The following CAMK2D variants were observed in gnomAD, a reference collection of about 807,000 sequenced individuals.
CAMK2D encodes the protein calcium/calmodulin dependent protein kinase II delta.
Under a neutral mutation model 84.0 loss-of-function variants are expected in CAMK2D, and 37 were observed. The ratio of observed to expected loss-of-function variants is 0.44; its 90% CI spans 0.34 to 0.58. The LOEUF (loss-of-function observed/expected upper bound fraction) is 0.58. CAMK2D is among the 20% of genes least tolerant of loss of function. The pLI is 0.02. For synonymous variants in CAMK2D, 202 were observed against 212.5 expected, an observed-to-expected ratio of 0.95 and a Z score of 0.43; for missense variants, 448 against 652.5, an observed-to-expected ratio of 0.69 and a Z score of 3.41.
chr4:113,745,192 T>A lies in CAMK2D; in HGVS notation c.160+14128A>T, dbSNP rs183323740. On this transcript the variant is annotated intron_variant, in intron 2 of 20. Coordinates refer to ENST00000511664, the MANE Select transcript of CAMK2D (RefSeq NM_001321571.2). ...CAATTTGGTAAACTACCTTTACGTG[T>A]TTTTAACCTTTTCTTTCCTGATTTC... Among the ~76,000 whole-genome samples the A allele has an allele frequency of 1.9e-3, 296 of 152,316 alleles. 7 individuals carry two copies. The highest frequency in any genetic ancestry group is 1.4e-3 in the East Asian group (7 of 5,182).
At chr4:113,547,777 C>A in intron 5 of CAMK2D, 61 bp from the exon 6 acceptor site, 1 of 1,071,272 alleles carries the variant, frequency 9.3e-7, no homozygotes, top group South Asian at 1.5e-5. Flanking sequence ...GTCTGTATAC[C>A]CTCAGAGAGA....
intron 3 of CAMK2D, among the ~76,000 whole-genome samples, chr4:113,646,071 A>C (rs2154297982): frequency 6.6e-6 from 1 of 152,324 alleles, no homozygotes; most frequent in South Asian, 2.1e-4. Flanking sequence ...CCTGTTTTAC[A>C]GTCTTTAGGT....
intron 14 of CAMK2D, among the ~76,000 whole-genome samples, chr4:113,504,528 A>G (rs2098101110): frequency 6.6e-6 from 1 of 152,260 alleles, no homozygotes; most frequent in Admixed American, 6.5e-5. Context: ...AGAACTCTGA[A>G]TAAGGTCTAC....
At position 113,515,138 on chromosome 4, in the gene CAMK2D, A is replaced by G; in HGVS notation, c.750T>C (p.Asn250=). 1 of 1,611,934 alleles carries G rather than the reference A, an allele frequency of 6.2e-7. No homozygotes were observed. Among genetic ancestry groups the G allele is most frequent in the Non-Finnish European group, 8.5e-7 (1 of 1,178,132 alleles). Residue 250 remains asparagine (N), a synonymous_variant, in exon 10 of 21, where the codon AAT becomes AAC. Transcript: ENST00000511664. ...TGGCAGGGTTGATAGTAAGCATTTT[A>G]TTGATGAGGTCTTTGGCTTCAGGAG... ...TVTPEAKDLI[N]KMLTINPAKR... is the part of the protein sequence containing the mutation.
chr4:113,508,247 C>T (rs1216173838), intron 13 of CAMK2D: 15 of 1,550,524 alleles, frequency 9.7e-6, no homozygotes, highest in Non-Finnish European at 1.3e-5. Flanking sequence ...ATCATCTGAA[C>T]ACTCGAACTG....
intron 4 of CAMK2D, among the ~76,000 whole-genome samples, chr4:113,600,163 A>C (rs1429879886): frequency 6.6e-6 from 1 of 152,188 alleles, no homozygotes; most frequent in Non-Finnish European, 1.5e-5. Context: ...AGAAGACAGA[A>C]GATTTTTAGG....
rs564616057 is a variant in CAMK2D, at chr4:113,759,743, C to T, written c.66-329G>A. 2.0e-4 allele frequency among the ~76,000 whole-genome samples: 30 copies of T among 152,310 alleles called. No individual in the cohort carries two copies. In the South Asian group the frequency reaches 5.0e-3, roughly 25 times the overall value. On this transcript the variant is annotated intron_variant, in intron 1 of 20. Transcript: ENST00000511664. ...GCTCTGAGAAAAACCCTGCACAGAA[C>T]AGAGCAGACGAGGAGCAGCAAAAAA...
At chr4:113,682,204 G>A (rs1439113138) in intron 2 of CAMK2D, among the ~76,000 whole-genome samples, 2 of 152,158 alleles carry the variant, frequency 1.3e-5, no homozygotes, top group African/African-American at 4.8e-5. Flanking sequence ...TTTGATAGAA[G>A]AGGAAGAGCA....
In CAMK2D at chr4:113,502,385, AAAC is replaced by A. The variant is rs139759722; in HGVS notation, c.1086+548_1086+550del. 5.3e-3 allele frequency among the ~76,000 whole-genome samples: 801 copies of A among 150,464 alleles called. 2 individuals carry two copies. Among genetic ancestry groups the A allele is most frequent in the African/African-American group, 0.013 (519 of 40,794 alleles). ...CCTTGATTCACCTCAAATTCATGCC[AAAC>A]AACAACAACAACAACAACAATAACA... On this transcript the variant is annotated intron_variant, in intron 15 of 20. Transcript: ENST00000511664.
intron 3 of CAMK2D, among the ~76,000 whole-genome samples, chr4:113,636,608 G>A (rs895885882): frequency 1.3e-5 from 2 of 152,188 alleles, no homozygotes; most frequent in Non-Finnish European, 2.9e-5. Context: ...CAAGGTACAG[G>A]CAAATTTGGT....
chr4:113,457,016 T>C, intron 19 of CAMK2D: 1 of 258,194 alleles, frequency 3.9e-6, no homozygotes, highest in East Asian at 8.9e-5. Flanking sequence ...CTTCTGTCAA[T>C]TGAGAAGATG....
At chr4:113,504,610 C>G (rs560577840) in intron 14 of CAMK2D, among the ~76,000 whole-genome samples, 1 of 152,106 alleles carries the variant, frequency 6.6e-6, no homozygotes, top group Non-Finnish European at 1.5e-5. Flanking sequence ...AAGAAGAAAC[C>G]ATTGTTTGCA....
At chr4:113,692,840 A>G (rs932597053) in intron 2 of CAMK2D, among the ~76,000 whole-genome samples, 2 of 152,140 alleles carry the variant, frequency 1.3e-5, no homozygotes, top group Non-Finnish European at 2.9e-5. Flanking sequence ...GGATACAAGT[A>G]TATACATTTT....
At position 113,673,992 on chromosome 4, in the gene CAMK2D, C is replaced by T. The variant is rs577606556; in HGVS notation, c.161-12220G>A. ...AGCTAGATGGTTAGAATTCTGATTA[C>T]AGATTTATTATAAATATTTAACAAA... On this transcript the variant is annotated intron_variant, in intron 2 of 20. Coordinates refer to ENST00000511664, the MANE Select transcript of CAMK2D (RefSeq NM_001321571.2). 4.7e-4 allele frequency among the ~76,000 whole-genome samples: 40 copies of T among 85,208 alleles called. 1 individual carries two copies. The highest frequency in any genetic ancestry group is 2.2e-3 in the African/African-American group (36 of 16,040). The allele number at this position is 85,208 out of a possible 152,430, so 55.9% of individuals were successfully genotyped here.
At chr4:113,607,860 A>G (rs73841790) in intron 4 of CAMK2D, among the ~76,000 whole-genome samples, 7,340 of 152,214 alleles carry the variant, frequency 0.048, 614 homozygotes, top group African/African-American at 0.17. Context: ...ACAAAATCAC[A>G]ATTTAGTTCT....
At chr4:113,480,502 G>C (rs1158604287) in intron 16 of CAMK2D, among the ~76,000 whole-genome samples, 1 of 152,062 alleles carries the variant, frequency 6.6e-6, no homozygotes, top group African/African-American at 2.4e-5. Context: ...GTATTAACAG[G>C]TGGGGCCCTT....
rs2098297106 is a variant in CAMK2D at position 113,517,256 on chromosome 4, C to A, written c.696+307G>T. ...ATAATTCAACTAAACAGGCAATAAT[C>A]ATTTCTATAGCAGAAATATTTTAAT... On this transcript the variant is annotated intron_variant, in intron 9 of 20. Coordinates refer to ENST00000511664, the MANE Select transcript of CAMK2D (RefSeq NM_001321571.2). Among the ~76,000 whole-genome samples the A allele has an allele frequency of 2.0e-5, 3 of 152,010 alleles. No individual in the cohort carries two copies. The South Asian group carries it at 6.2e-4, about 31-fold the overall frequency.
At chr4:113,519,552 T>C (rs545719206) in intron 8 of CAMK2D, among the ~76,000 whole-genome samples, 1 of 152,288 alleles carries the variant, frequency 6.6e-6, no homozygotes, top group East Asian at 1.9e-4. Flanking sequence ...TGCTATTGAC[T>C]AGCCTGATGT....
chr4:113,761,364 C>G lies in CAMK2D; in HGVS notation c.-296G>C. The G allele has an allele frequency of 7.4e-7, 1 of 1,359,424 alleles. No individual in the cohort carries two copies. Among genetic ancestry groups the G allele is most frequent in the South Asian group, 1.6e-5 (1 of 64,298 alleles). 84.2% of individuals were successfully genotyped at this position (1,359,424 alleles called of 1,614,324 possible). A position where few individuals can be genotyped will look rare whatever the true frequency, so the allele number is the denominator to read the frequency against. ...CCGCCCCTTTTCCAGTCCCTGTCCC[C>G]AAATGCAGGGGGTAAAGTACTCAAG... is the stretch of plus-strand genomic sequence containing the variant. On this transcript the variant is annotated 5_prime_UTR_variant, in exon 1 of 21. Transcript: ENST00000511664.
Sources: gnomAD v4.1 joint callset for allele counts (sites outside exome capture counted in the v4.1 genomes callset) on GRCh38, gnomAD v4.1.1 for gene constraint, MANE v1.5 for transcripts, NCBI Gene and HGNC (gene_info 2026-07-23, HGNC 2026-07-21) for gene names.